Variants in ASH1L observed in about 807,000 individuals in gnomAD.
The protein encoded by ASH1L is ASH1 like histone lysine methyltransferase, also known as histone-lysine N-methyltransferase ASH1L.
ASH1L carries 23 observed loss-of-function variants against 269.0 expected under a neutral mutation model. That is an observed-to-expected ratio of 0.09 (90% CI 0.06 to 0.12). The LOEUF (loss-of-function observed/expected upper bound fraction) is 0.12, where lower values mean the gene tolerates loss of function less well. ASH1L is among the 10% of genes least tolerant of loss of function. The pLI is 1.00. For missense variants in ASH1L, 2,912 were observed against 3,567.8 expected (o/e 0.82, Z 4.68); for synonymous variants, 1,187 against 1,253.5 (o/e 0.95, Z 1.12).
At chr1:155,489,724 C>T (rs1425500392) in intron 2 of ASH1L, among the ~76,000 whole-genome samples, 7 of 151,256 alleles carry the variant, frequency 4.6e-5, no homozygotes. Context: ...CACCACTGCA[C>T]TCCAGCCTGG....
chr1:155,385,002 C>G (rs1432834438), intron 7 of ASH1L, among the ~76,000 whole-genome samples: 1 of 151,840 alleles, frequency 6.6e-6, no homozygotes, highest in Non-Finnish European at 1.5e-5. Context: ...ATTATTCTAT[C>G]TTCTAGTGCA....
chr1:155,526,775 T>C (rs1429455340), intron 1 of ASH1L, among the ~76,000 whole-genome samples: 2 of 152,190 alleles, frequency 1.3e-5, no homozygotes, highest in African/African-American at 2.4e-5. Flanking sequence ...TCACAATATA[T>C]AAACGATCTC....
chr1:155,481,104 G>C lies in ASH1L; in HGVS notation c.1766C>G (p.Thr589Arg). Residue 589 changes from threonine (T) to arginine (R), a missense_variant, in exon 3 of 28, where the codon ACA (threonine) becomes AGA (arginine). Physicochemically the swap from Thr to Arg is moderately conservative, Grantham distance 71. Transcript: ENST00000392403. The stretch of plus-strand genomic sequence containing the variant: ...TTCAGAAATTTCTTCGATTAGTTCT[G>C]TAGTAGAACTTAAAAGTAATGGATT... ...APNPLLLSST[T>R]ELIEEISESV... 2 of 1,614,042 alleles carry C rather than the reference G, an allele frequency of 1.2e-6. No individual in the cohort carries two copies. The highest frequency in any genetic ancestry group is 1.7e-6 in the Non-Finnish European group (2 of 1,179,956).
chr1:155,530,905 C>T (rs370019235), intron 1 of ASH1L, among the ~76,000 whole-genome samples: 2 of 152,008 alleles, frequency 1.3e-5, no homozygotes, highest in South Asian at 4.1e-4. Context: ...AAACAATAAG[C>T]TGGGTATGGT....
intron 1 of ASH1L, among the ~76,000 whole-genome samples, chr1:155,557,451 TTTG>T (rs777123946): frequency 3.3e-5 from 5 of 151,714 alleles, no homozygotes; most frequent in Non-Finnish European, 5.9e-5. Context: ...GGGTTTTTTT[TTTG>T]TATTTTTGGT....
chr1:155,379,064 G>A (rs569963448), intron 8 of ASH1L, among the ~76,000 whole-genome samples: 5 of 150,840 alleles, frequency 3.3e-5, no homozygotes, highest in African/African-American at 9.7e-5. Context: ...AGGCAAAATG[G>A]AGCTCTCACA....
chr1:155,373,967 C>T (rs1360430652), intron 10 of ASH1L, among the ~76,000 whole-genome samples: 1 of 152,142 alleles, frequency 6.6e-6, no homozygotes, highest in African/African-American at 2.4e-5. Context: ...CATGCCTGGC[C>T]TTAAGCATGA....
chr1:155,440,037 C>T (rs1352288223), intron 4 of ASH1L, among the ~76,000 whole-genome samples: 2 of 151,842 alleles, frequency 1.3e-5, no homozygotes, highest in East Asian at 1.9e-4. Flanking sequence ...AGGCCAGGAA[C>T]GGTGGCTCAC....
intron 6 of ASH1L, among the ~76,000 whole-genome samples, chr1:155,412,097 C>A (rs1659857537): frequency 6.6e-6 from 1 of 151,986 alleles, no homozygotes; most frequent in East Asian, 1.9e-4. Context: ...AAAAAATTGG[C>A]TGGGCATGGC....
At position 155,478,879 on chromosome 1, in the gene ASH1L, G is replaced by T; in HGVS notation, c.3991C>A (p.Pro1331Thr). 1 of 1,613,976 alleles carries T rather than the reference G, an allele frequency of 6.2e-7. No homozygotes were observed. The highest frequency in any genetic ancestry group is 8.5e-7 in the Non-Finnish European group (1 of 1,180,000). Residue 1331 changes from proline to threonine, a missense_variant, in exon 3 of 28, where the codon CCT (proline) becomes ACT (threonine). Physicochemically the swap from Pro to Thr is conservative, Grantham distance 38 (BLOSUM62 -1). Coordinates refer to ENST00000392403, the MANE Select transcript of ASH1L (RefSeq NM_018489.3). The surrounding 1 kb of genome is among the most constrained non-coding windows in gnomAD (Gnocchi z 4.6). ...RINFNSFYTHPSFPLDPLHYI... is the reference protein window; with the variant it reads ...RINFNSFYTHTSFPLDPLHYI... ...TGCAAAGGGTCTAAGGGGAAAGAAG[G>T]ATGTGTATAGAAACTATTAAAGTTG...
chr1:155,478,643 A>G lies in ASH1L; in HGVS notation c.4227T>C (p.Tyr1409=), dbSNP rs1558146923. 3 of 1,614,078 alleles carry G rather than the reference A, an allele frequency of 1.9e-6. No individual in the cohort carries two copies. Among genetic ancestry groups the G allele is most frequent in the Non-Finnish European group, 2.5e-6 (3 of 1,180,032 alleles). ...TGAAAGAAGGAGATGGAGGAGGTGG[A>G]TAAAGAGTGGGAGGATACCTTCCAT... ...GYYGRYPPTL[Y]PPPPSPSFTT... Residue 1409 remains tyrosine, a synonymous_variant, in exon 3 of 28, where the codon TAT becomes TAC. Coordinates refer to ENST00000392403, the MANE Select transcript of ASH1L (RefSeq NM_018489.3). This position sits in a 1 kb window ranked among gnomAD's most constrained non-coding sequence, Gnocchi z 4.6.
At chr1:155,408,961 G>A (rs1659537512) in intron 6 of ASH1L, among the ~76,000 whole-genome samples, 1 of 152,000 alleles carries the variant, frequency 6.6e-6, no homozygotes, top group South Asian at 2.1e-4. Flanking sequence ...AAAAAAAAGA[G>A]AAGCTCATCT....
chr1:155,496,774 G>C (rs1667182766), intron 2 of ASH1L, among the ~76,000 whole-genome samples: 3 of 152,010 alleles, frequency 2.0e-5, no homozygotes, highest in Non-Finnish European at 2.9e-5. Flanking sequence ...GAGTAGCTGG[G>C]ATCACAAGCA....
Position 155,477,794 on chromosome 1 carries a change from T to C in ASH1L, c.4984+92A>G, listed in dbSNP as rs1185860041. On this transcript the variant is annotated intron_variant, in intron 3 of 27. Transcript: ENST00000392403. The stretch of plus-strand genomic sequence containing the variant: ...ACTTATTAAAAAACAAAAAAAGATA[T>C]ATATATTAAAAGTTCATCTACATTT... 5 of 1,228,882 alleles carry C rather than the reference T, an allele frequency of 4.1e-6. No individual in the cohort carries two copies. In the African/African-American group the frequency reaches 4.5e-5, roughly 11 times the overall value. The allele number at this position is 1,228,882 out of a possible 1,614,324, so 76.1% of individuals were successfully genotyped here.
chr1:155,484,655 G>T (rs1382418512), intron 2 of ASH1L, among the ~76,000 whole-genome samples: 3 of 151,014 alleles, frequency 2.0e-5, no homozygotes, highest in Non-Finnish European at 1.5e-5. Flanking sequence ...CCAGCCAGGC[G>T]CAGTGGCTCA....
At position 155,479,270 on chromosome 1, in the gene ASH1L, A is replaced by G; in HGVS notation, c.3600T>C (p.Asp1200=). ...ESHSDETIPS[D]SGIGTDNNST... is the part of the protein sequence containing the mutation. ...TGTTATTATCTGTTCCAATTCCACT[A>G]TCACTGGGAATGGTCTCATCACTAT... The change falls in exon 3 of 28, where the codon GAT becomes GAC. Residue 1200 remains aspartate, a synonymous_variant. Transcript: ENST00000392403. The G allele has an allele frequency of 1.9e-6, 3 of 1,614,028 alleles. No homozygotes were observed. Among genetic ancestry groups the G allele is most frequent in the Non-Finnish European group, 2.5e-6 (3 of 1,179,996 alleles).
At chr1:155,493,851 G>A (rs1319911734) in intron 2 of ASH1L, among the ~76,000 whole-genome samples, 2 of 152,078 alleles carry the variant, frequency 1.3e-5, no homozygotes, top group Non-Finnish European at 2.9e-5. Flanking sequence ...TCCAGCCTGG[G>A]GGATAGAGCA....
chr1:155,365,372 ATTTTTTT>A lies in ASH1L; in HGVS notation c.6687-4970_6687-4964del, dbSNP rs142145021. Among the ~76,000 whole-genome samples the A allele has an allele frequency of 3.0e-3, 374 of 124,214 alleles. 1 individual carries two copies. The highest frequency in any genetic ancestry group is 0.023 in the Middle Eastern group (5 of 222). The allele number at this position is 124,214 out of a possible 152,430, so 81.5% of individuals were successfully genotyped here. ...AGGTGTATGCCACTATGCCCGGCTGATTTTTTTTTTTTTTTTTTTTTTGTATTTTTAG... is the reference window on the plus strand; with the variant it reads ...AGGTGTATGCCACTATGCCCGGCTGATTTTTTTTTTTTTTTGTATTTTTAG... On this transcript the variant is annotated intron_variant, in intron 12 of 27. Transcript: ENST00000392403.
chr1:155,359,602 G>A (rs558870406), intron 13 of ASH1L, among the ~76,000 whole-genome samples: 45 of 151,938 alleles, frequency 3.0e-4, no homozygotes, highest in African/African-American at 1.0e-3. Flanking sequence ...TTGAGACAGG[G>A]TCTTGCTCTG....
Sources: gnomAD v4.1 joint callset for allele counts (sites outside exome capture counted in the v4.1 genomes callset) on GRCh38, gnomAD v4.1.1 for gene constraint, Gnocchi (gnomAD v3.1) non-coding constraint, MANE v1.5 for transcripts, NCBI Gene and HGNC (gene_info 2026-07-23, HGNC 2026-07-21) for gene names.